The following ATG5 variants were observed in gnomAD, a reference collection of about 807,000 sequenced individuals.
ATG5 encodes autophagy protein 5.
In ATG5, 14 loss-of-function variants were observed where a neutral mutation model predicts 36.5. The observed-to-expected ratio is 0.38, with a 90% CI of 0.25 to 0.60. ATG5 has a LOEUF of 0.60. Ranked by LOEUF, ATG5 falls within the 20% of genes least tolerant of loss-of-function variation. ATG5 has a pLI of 0.60. For missense variants in ATG5, 195 were observed against 326.7 expected (o/e 0.60, Z 3.11); for synonymous variants, 95 against 101.5 (o/e 0.94, Z 0.38).
chr6:106,311,939 T>G (rs1324954310), intron 2 of ATG5, among the ~76,000 whole-genome samples: 2 of 151,934 alleles, frequency 1.3e-5, no homozygotes, highest in Non-Finnish European at 2.9e-5. Flanking sequence ...CAAGTGATTC[T>G]CCTGCCTCAG....
At chr6:106,214,733 G>T (rs1226731632) in intron 6 of ATG5, among the ~76,000 whole-genome samples, 1 of 152,096 alleles carries the variant, frequency 6.6e-6, no homozygotes, top group Non-Finnish European at 1.5e-5. Context: ...CGTATCCTTT[G>T]ACTGAATAAC....
At chr6:106,269,269 TAC>T (rs1253639127) in intron 5 of ATG5, among the ~76,000 whole-genome samples, 1 of 152,272 alleles carries the variant, frequency 6.6e-6, no homozygotes, top group African/African-American at 2.4e-5. Flanking sequence ...TTGAGCTAGA[TAC>T]AGAGTGCTGA....
intron 6 of ATG5, among the ~76,000 whole-genome samples, chr6:106,210,080 A>G (rs1776798800): frequency 6.6e-6 from 1 of 152,158 alleles, no homozygotes; most frequent in Admixed American, 6.5e-5. Context: ...CTTTCAACCT[A>G]CTCTAACACA....
chr6:106,228,697 A>G (rs1777543845), intron 6 of ATG5, among the ~76,000 whole-genome samples: 1 of 152,164 alleles, frequency 6.6e-6, no homozygotes, highest in South Asian at 2.1e-4. Flanking sequence ...CCAAAGCGGT[A>G]ATATTGGACC....
chr6:106,234,647 G>A (rs916474530), intron 6 of ATG5, among the ~76,000 whole-genome samples: 1 of 152,110 alleles, frequency 6.6e-6, no homozygotes. Context: ...CTCATTCTTA[G>A]TGCCCCCATG....
chr6:106,235,677 G>A lies in ATG5; in HGVS notation c.573+12473C>T, dbSNP rs572824614. On this transcript the variant is annotated intron_variant, in intron 6 of 7. Coordinates refer to ENST00000369076, the MANE Select transcript of ATG5 (RefSeq NM_004849.4). Reference sequence around the variant, plus strand: ...GTAAAAAAATAGCCAATCATCTATCGCCTGAGAGCACAGCGGGAAGGACAA... The same window carrying A: ...GTAAAAAAATAGCCAATCATCTATCACCTGAGAGCACAGCGGGAAGGACAA... 1.4e-4 allele frequency among the ~76,000 whole-genome samples: 21 copies of A among 152,202 alleles called. No individual in the cohort carries two copies. The South Asian group carries it at 4.2e-3, about 30-fold the overall frequency.
At chr6:106,198,880 T>C (rs1012576682) in intron 7 of ATG5, among the ~76,000 whole-genome samples, 3 of 151,704 alleles carry the variant, frequency 2.0e-5, no homozygotes, top group African/African-American at 7.3e-5. Flanking sequence ...AGAACTTGTA[T>C]CCAGAATATA....
intron 4 of ATG5, among the ~76,000 whole-genome samples, chr6:106,283,183 C>T (rs899230660): frequency 1.3e-5 from 2 of 152,054 alleles, no homozygotes; most frequent in South Asian, 2.1e-4. Context: ...TTAATTATTA[C>T]GAGATTCAAT....
At position 106,247,999 on chromosome 6, in the gene ATG5, T is replaced by G. The variant is rs1778414625; in HGVS notation, c.573+151A>C. 8.9e-6 allele frequency: 5 copies of G among 563,408 alleles called. No individual in the cohort carries two copies. The South Asian group carries it at 1.3e-4, about 15-fold the overall frequency. The allele number at this position is 563,408 out of a possible 1,614,324, so 34.9% of individuals were successfully genotyped here. A position where few individuals can be genotyped will look rare whatever the true frequency, so the allele number is the denominator to read the frequency against. On this transcript the variant is annotated intron_variant, in intron 6 of 7. Coordinates refer to ENST00000369076, the MANE Select transcript of ATG5 (RefSeq NM_004849.4). ...GAGTCAAATATTTCAGTGCGGTATC[T>G]GACTTGATTGCCACTGAAAGACACA...
intron 3 of ATG5, among the ~76,000 whole-genome samples, chr6:106,302,516 A>G (rs1331475419): frequency 6.6e-6 from 1 of 152,120 alleles, no homozygotes; most frequent in East Asian, 1.9e-4. Flanking sequence ...AGACAAATTA[A>G]GAGGCCACTA....
intron 6 of ATG5, among the ~76,000 whole-genome samples, chr6:106,247,232 T>G (rs1255167243): frequency 6.6e-6 from 1 of 152,230 alleles, no homozygotes; most frequent in Non-Finnish European, 1.5e-5. Context: ...GATTAGAGTC[T>G]AAGCCTGTGA....
intron 6 of ATG5, among the ~76,000 whole-genome samples, chr6:106,230,552 T>TAC (rs1195339800): frequency 1.3e-5 from 2 of 152,068 alleles, no homozygotes; most frequent in Non-Finnish European, 2.9e-5. Context: ...CATGGGTGGT[T>TAC]ACACACCCCG....
rs192018128 is a variant in ATG5 at position 106,203,876 on chromosome 6, T to A, written c.574-1787A>T. Among the ~76,000 whole-genome samples, 138 of 152,320 alleles carry A rather than the reference T, an allele frequency of 9.1e-4. 2 individuals carry two copies. In the South Asian group the frequency reaches 0.027, roughly 29 times the overall value. On this transcript the variant is annotated intron_variant, in intron 6 of 7. Transcript: ENST00000369076. The stretch of plus-strand genomic sequence containing the variant: ...TGTTTTTGTCTTTTAATGACAGAGG[T>A]ATACCTCAACATATTTGACACAACT...
At chr6:106,252,979 A>T (rs1187823601) in intron 5 of ATG5, among the ~76,000 whole-genome samples, 1 of 152,264 alleles carries the variant, frequency 6.6e-6, no homozygotes, top group Admixed American at 6.5e-5. Flanking sequence ...ATCTGTCAAC[A>T]GTATTATTCA....
At chr6:106,304,816 G>A (rs923273637) in intron 3 of ATG5, among the ~76,000 whole-genome samples, 4 of 152,124 alleles carry the variant, frequency 2.6e-5, no homozygotes, top group Non-Finnish European at 4.4e-5. Flanking sequence ...AATTGGCCAG[G>A]CACGGTGGCT....
At chr6:106,265,316 A>T (rs1779187608) in intron 5 of ATG5, among the ~76,000 whole-genome samples, 1 of 152,342 alleles carries the variant, frequency 6.6e-6, no homozygotes, top group South Asian at 2.1e-4. Flanking sequence ...TCCTAAATAT[A>T]TGTGCACCCA....
chr6:106,269,266 A>G (rs1016638592), intron 5 of ATG5, among the ~76,000 whole-genome samples: 1 of 152,118 alleles, frequency 6.6e-6, no homozygotes, highest in Non-Finnish European at 1.5e-5. Context: ...ACCTTGAGCT[A>G]GATACAGAGT....
At chr6:106,229,647 A>G (rs1218793296) in intron 6 of ATG5, among the ~76,000 whole-genome samples, 4 of 152,220 alleles carry the variant, frequency 2.6e-5, no homozygotes, top group African/African-American at 7.2e-5. Context: ...CCGCGACCCT[A>G]TAACACTCCA....
In ATG5 at chr6:106,318,281, G is replaced by A. The variant is rs542798263; in HGVS notation, c.-58-2015C>T. Among the ~76,000 whole-genome samples, 3 of 152,192 alleles carry A rather than the reference G, an allele frequency of 2.0e-5. No individual in the cohort carries two copies. The East Asian group carries it at 5.8e-4, about 29-fold the overall frequency. On this transcript the variant is annotated intron_variant, in intron 1 of 7. Transcript: ENST00000369076. The stretch of plus-strand genomic sequence containing the variant: ...TCATAAACCAAAACATCATGCATGT[G>A]AGTGTGGCTCCCTTCTCTCCCCTCT...
Sources: allele counts gnomAD v4.1 joint callset (sites outside exome capture counted in the v4.1 genomes callset), GRCh38; gene constraint gnomAD v4.1.1; transcripts MANE v1.5; gene names NCBI Gene and HGNC (gene_info 2026-07-23, HGNC 2026-07-21).